The following SLC25A17 variants were observed in gnomAD, a reference collection of about 807,000 sequenced individuals.
SLC25A17 encodes the protein peroxisomal membrane protein PMP34.
In SLC25A17, 26 loss-of-function variants were observed where a neutral mutation model predicts 38.5. That is an observed-to-expected ratio of 0.68 (90% CI 0.50 to 0.94). SLC25A17 has a LOEUF of 0.94. SLC25A17 is among the 40% of genes least tolerant of loss of function. SLC25A17 has a pLI of 0.00. For synonymous variants in SLC25A17, 139 were observed against 136.2 expected, an observed-to-expected ratio of 1.02 and a Z score of -0.14; for missense variants, 333 against 372.7, an observed-to-expected ratio of 0.89 and a Z score of 0.88.
rs562189851 is a variant in SLC25A17 at position 40,773,357 on chromosome 22, C to A, written c.776+580G>T. On this transcript the variant is annotated intron_variant, in intron 8 of 8. Coordinates refer to ENST00000435456, the MANE Select transcript of SLC25A17 (RefSeq NM_006358.4). ...CCCAGGAGGCGGAGCTTGCCGTGAG[C>A]GGAGATAGCGCCACTGCACTCCAGC... Among the ~76,000 whole-genome samples the A allele has an allele frequency of 5.2e-5, 7 of 134,152 alleles. No individual in the cohort carries two copies. The East Asian group carries it at 1.6e-3, about 31-fold the overall frequency. 88.0% of individuals were successfully genotyped at this position (134,152 alleles called of 152,430 possible). A position where few individuals can be genotyped will look rare whatever the true frequency, so the allele number is the denominator to read the frequency against.
At chr22:40,819,160 C>A (rs2057671096) in intron 1 of SLC25A17, 35 bp downstream of exon 1, 1 of 1,612,302 alleles carries the variant, frequency 6.2e-7, no homozygotes, top group African/African-American at 1.3e-5. Context: ...AGCCTTATAA[C>A]CCGTTGCGGC....
At chr22:40,809,389 C>T (rs1039516737) in intron 1 of SLC25A17, among the ~76,000 whole-genome samples, 4 of 151,294 alleles carry the variant, frequency 2.6e-5, no homozygotes, top group East Asian at 1.9e-4. Flanking sequence ...CCGAGGTGGG[C>T]GGATTGCTTG....
Position 40,799,023 on chromosome 22 carries a change from C to G in SLC25A17, c.115G>C (p.Val39Leu), listed in dbSNP as rs775456545. ...PLDTARLRLQVDEKRKSKTTH... is the reference protein window; with the variant it reads ...PLDTARLRLQLDEKRKSKTTH... Reference sequence around the variant, plus strand: ...AAATAGGAGTATGATTTCTACTTACCCTGAAGTCGAAGTCTAGCTGTATCC... The same window carrying G: ...AAATAGGAGTATGATTTCTACTTACGCTGAAGTCGAAGTCTAGCTGTATCC... The change falls in exon 2 of 9, where the codon GTT (valine) becomes CTT (leucine). Residue 39 changes from valine (V) to leucine (L), a missense_variant and splice_region_variant. Transcript: ENST00000435456. The G allele has an allele frequency of 4.4e-6, 7 of 1,599,484 alleles. No individual in the cohort carries two copies. Among genetic ancestry groups the G allele is most frequent in the Non-Finnish European group, 6.0e-6 (7 of 1,166,826 alleles).
At chr22:40,800,158 A>G (rs1247435067) in intron 1 of SLC25A17, among the ~76,000 whole-genome samples, 1 of 152,242 alleles carries the variant, frequency 6.6e-6, no homozygotes, top group African/African-American at 2.4e-5. Flanking sequence ...AGCTCATCCA[A>G]GATAACACAA....
chr22:40,776,574 C>T lies in SLC25A17; in HGVS notation c.693+466G>A, dbSNP rs187407975. Among the ~76,000 whole-genome samples, 186 of 152,246 alleles carry T rather than the reference C, an allele frequency of 1.2e-3. 1 individual carries two copies. Among genetic ancestry groups the T allele is most frequent in the African/African-American group, 4.4e-3 (182 of 41,556 alleles). On this transcript the variant is annotated intron_variant, in intron 7 of 8. Transcript: ENST00000435456. Reference sequence around the variant, plus strand: ...AACTTCATTCTAAACCAATGACAGCCAGCCTAGTTAAGCAGAATATCAAAC... The same window carrying T: ...AACTTCATTCTAAACCAATGACAGCTAGCCTAGTTAAGCAGAATATCAAAC...
chr22:40,810,312 A>G (rs1446042923), intron 1 of SLC25A17, among the ~76,000 whole-genome samples: 1 of 151,870 alleles, frequency 6.6e-6, no homozygotes, highest in African/African-American at 2.4e-5. Context: ...CTAAGCTTCA[A>G]CAATTAACAA....
chr22:40,782,220 A>AG (rs2057301208), intron 4 of SLC25A17, among the ~76,000 whole-genome samples: 2 of 130,828 alleles, frequency 1.5e-5, no homozygotes, highest in Admixed American at 1.5e-4. Flanking sequence ...ACCCCATCTC[A>AG]AAACAACAAC....
chr22:40,770,938 GT>G lies in SLC25A17; in HGVS notation c.819del (p.Lys273AsnfsTer19), dbSNP rs2057176294. On this transcript the variant is annotated frameshift_variant, in exon 9 of 9. Coordinates refer to ENST00000435456, the MANE Select transcript of SLC25A17 (RefSeq NM_006358.4). LOFTEE classifies it high-confidence loss of function. ...IMGLYKGLEA[K>X]LLQTVLTAAL... ...GCAGCAGTGAGGACTGTCTGCAGCA[GT>G]TTGGCTTCAAGGCCTTTGTAGAGTC... 6.2e-7 allele frequency: 1 copy of G among 1,611,606 alleles called. No individual in the cohort carries two copies. Among genetic ancestry groups the G allele is most frequent in the African/African-American group, 1.3e-5 (1 of 74,904 alleles).
intron 4 of SLC25A17, chr22:40,779,429 T>A: frequency 1.7e-6 from 1 of 603,818 alleles, no homozygotes; most frequent in Non-Finnish European, 2.8e-6. Context: ...AAGTAGCAAT[T>A]TTGATATAGC....
chr22:40,784,776 A>T (rs2057322561), intron 4 of SLC25A17, among the ~76,000 whole-genome samples: 1 of 113,062 alleles, frequency 8.8e-6, no homozygotes. Flanking sequence ...ACCCTATCTC[A>T]ACAACAACAA....
chr22:40,819,312 G>A lies in SLC25A17; in HGVS notation c.-64C>T. 6.4e-7 allele frequency: 1 copy of A among 1,558,150 alleles called. No homozygotes were observed. The highest frequency in any genetic ancestry group is 1.1e-5 in the South Asian group (1 of 89,768). On this transcript the variant is annotated 5_prime_UTR_variant, in exon 1 of 9. Coordinates refer to ENST00000435456, the MANE Select transcript of SLC25A17 (RefSeq NM_006358.4). ...CAGATGCCGCAGCCAGTGGAGTTAG[G>A]AAAGGAGCACCGGAGCTCAGGGTGT...
intron 1 of SLC25A17, among the ~76,000 whole-genome samples, chr22:40,816,766 A>G (rs527693829): frequency 2.6e-5 from 4 of 151,894 alleles, no homozygotes; most frequent in Non-Finnish European, 5.9e-5. Flanking sequence ...GCCCACCACC[A>G]TGCCTGGCTA....
chr22:40,780,576 ACACTT>A (rs2057285175), intron 4 of SLC25A17, among the ~76,000 whole-genome samples: 1 of 152,196 alleles, frequency 6.6e-6, no homozygotes, highest in African/African-American at 2.4e-5. Context: ...AATGCAATGC[ACACTT>A]CACTTAACAG....
chr22:40,774,021 T>A lies in SLC25A17; in HGVS notation c.694-2A>T. 4 of 1,605,216 alleles carry A rather than the reference T, an allele frequency of 2.5e-6. No individual in the cohort carries two copies. Among genetic ancestry groups the A allele is most frequent in the Non-Finnish European group, 3.4e-6 (4 of 1,172,782 alleles). ...TGGGTTTAGTCTATGACGCCCAAAC[T>A]GAGGAAAGAGGGAAAAAAAACAAAA... On this transcript the variant is annotated splice_acceptor_variant, in intron 7 of 8. Coordinates refer to ENST00000435456, the MANE Select transcript of SLC25A17 (RefSeq NM_006358.4). LOFTEE classifies it high-confidence loss of function.
intron 4 of SLC25A17, among the ~76,000 whole-genome samples, chr22:40,783,846 T>C (rs937275363): frequency 6.6e-6 from 1 of 152,126 alleles, no homozygotes; most frequent in African/African-American, 2.4e-5. Context: ...GCTGGGATGA[T>C]AGGTGCCCGC....
intron 8 of SLC25A17, among the ~76,000 whole-genome samples, chr22:40,771,937 G>C (rs951025880): frequency 2.6e-5 from 4 of 151,352 alleles, no homozygotes; most frequent in Non-Finnish European, 5.9e-5. Flanking sequence ...ATTATGCTTT[G>C]CATGCCTGTA....
chr22:40,786,275 C>A (rs922595976), intron 4 of SLC25A17, among the ~76,000 whole-genome samples: 1 of 151,296 alleles, frequency 6.6e-6, no homozygotes, highest in Non-Finnish European at 1.5e-5. Context: ...CATGCCACTG[C>A]ACTCCAGCCT....
chr22:40,806,768 C>A (rs575211014), intron 1 of SLC25A17, among the ~76,000 whole-genome samples: 2 of 152,164 alleles, frequency 1.3e-5, no homozygotes, highest in Admixed American at 1.3e-4. Context: ...AGCCACTAAT[C>A]GGCTTTCTGT....
At chr22:40,775,479 C>T (rs1172033074) in intron 7 of SLC25A17, among the ~76,000 whole-genome samples, 5 of 85,988 alleles carry the variant, frequency 5.8e-5, no homozygotes, top group South Asian at 8.8e-4. Flanking sequence ...TTTTTTGAGA[C>T]GGAGTCTCGC....
Sources: allele counts gnomAD v4.1 joint callset (sites outside exome capture counted in the v4.1 genomes callset), GRCh38; gene constraint gnomAD v4.1.1; transcripts MANE v1.5; gene names NCBI Gene and HGNC (gene_info 2026-07-23, HGNC 2026-07-21).